MAP4K3: variants seen among roughly 807,000 people sequenced by gnomAD.
MAP4K3 encodes mitogen-activated protein kinase kinase kinase kinase 3, also known as MAPK/ERK kinase kinase kinase 3.
Under a neutral mutation model 143.5 loss-of-function variants are expected in MAP4K3, and 94 were observed. The observed-to-expected ratio is 0.65, with a 90% CI of 0.55 to 0.78. The LOEUF (loss-of-function observed/expected upper bound fraction) is 0.78, where lower values mean the gene tolerates loss of function less well. Ranked by LOEUF, MAP4K3 falls within the 30% of genes least tolerant of loss-of-function variation. MAP4K3 has a pLI of 0.00. For synonymous variants in MAP4K3, 416 were observed against 347.2 expected (o/e 1.20, Z -2.20); for missense variants, 1,077 against 1,068.1 (o/e 1.01, Z -0.12).
In MAP4K3 at chr2:39,258,316, A is replaced by G. The variant is rs766054922; in HGVS notation, c.2470+32T>C. 4.5e-6 allele frequency: 6 copies of G among 1,345,102 alleles called. No homozygotes were observed. The East Asian group carries it at 1.4e-4, about 31-fold the overall frequency. 83.3% of individuals were successfully genotyped at this position (1,345,102 alleles called of 1,614,324 possible). On this transcript the variant is annotated intron_variant, in intron 31 of 33. Transcript: ENST00000263881. ...GCAGATAAATTATTTTAAGGAGTTC[A>G]TAATGCAAAGAATTATAAAACTTTG...
At chr2:39,431,344 A>C (rs1471163306) in intron 1 of MAP4K3, among the ~76,000 whole-genome samples, 1 of 152,176 alleles carries the variant, frequency 6.6e-6, no homozygotes, top group Non-Finnish European at 1.5e-5. Flanking sequence ...GAAGTCTCAG[A>C]AGAAAGGGAC....
At chr2:39,411,147 T>C (rs1449372698) in intron 1 of MAP4K3, among the ~76,000 whole-genome samples, 3 of 152,232 alleles carry the variant, frequency 2.0e-5, no homozygotes, top group African/African-American at 7.2e-5. Flanking sequence ...CTGTGAGGAC[T>C]GGGAAATGGA....
At chr2:39,390,992 G>C (rs1248815619) in intron 1 of MAP4K3, among the ~76,000 whole-genome samples, 2 of 152,058 alleles carry the variant, frequency 1.3e-5, no homozygotes, top group Admixed American at 1.3e-4. Flanking sequence ...TGGAGCAGCA[G>C]AATAGTACTT....
At chr2:39,266,059 A>T (rs373079491) in intron 27 of MAP4K3, among the ~76,000 whole-genome samples, 4 of 152,350 alleles carry the variant, frequency 2.6e-5, no homozygotes, top group Admixed American at 6.5e-5. Flanking sequence ...CCGCCAAAGA[A>T]AACAGAGAAG....
At chr2:39,373,808 TG>T (rs981500328) in intron 2 of MAP4K3, among the ~76,000 whole-genome samples, 1 of 152,044 alleles carries the variant, frequency 6.6e-6, no homozygotes, top group African/African-American at 2.4e-5. Flanking sequence ...CAGGGCTTGG[TG>T]GGGGGGTAGA....
At chr2:39,326,355 T>A in intron 8 of MAP4K3, 78 bp from the exon 9 acceptor site, 1 of 1,494,526 alleles carries the variant, frequency 6.7e-7, no homozygotes, top group Non-Finnish European at 9.1e-7. Context: ...GCACAAGGAA[T>A]TATCACTATC....
At chr2:39,353,291 G>A (rs1362042036) in intron 3 of MAP4K3, among the ~76,000 whole-genome samples, 3 of 152,154 alleles carry the variant, frequency 2.0e-5, no homozygotes, top group Admixed American at 6.5e-5. Context: ...CCTTGGCTGA[G>A]CCTGAACTTC....
intron 21 of MAP4K3, among the ~76,000 whole-genome samples, chr2:39,284,149 A>T (rs1033255990): frequency 3.9e-5 from 6 of 151,954 alleles, no homozygotes; most frequent in Non-Finnish European, 8.8e-5. Flanking sequence ...TTAGCAAAAC[A>T]TCTTTTTTTG....
intron 1 of MAP4K3, among the ~76,000 whole-genome samples, chr2:39,408,709 T>G (rs927130192): frequency 1.1e-4 from 16 of 151,430 alleles, no homozygotes; most frequent in Admixed American, 2.0e-4. Context: ...TAGAGAAATT[T>G]AAGAGCTAAC....
At chr2:39,327,824 C>T (rs951939570) in intron 8 of MAP4K3, among the ~76,000 whole-genome samples, 8 of 151,590 alleles carry the variant, frequency 5.3e-5, no homozygotes, top group Non-Finnish European at 4.4e-5. Flanking sequence ...GCAAGTGATA[C>T]GCTCCTAACT....
chr2:39,368,526 G>T (rs1295987005), intron 2 of MAP4K3, among the ~76,000 whole-genome samples: 3 of 151,936 alleles, frequency 2.0e-5, no homozygotes, highest in Admixed American at 6.6e-5. Flanking sequence ...AAAATTAGCT[G>T]GGTGTGGTGA....
Position 39,251,836 on chromosome 2 carries a change from G to A in MAP4K3, c.2591C>T (p.Ser864Phe), listed in dbSNP as rs1412113249. The A allele has an allele frequency of 5.6e-6, 9 of 1,613,400 alleles. No individual in the cohort carries two copies. In the East Asian group the frequency reaches 1.3e-4, roughly 24 times the overall value. Residue 864 changes from serine (S) to phenylalanine (F), a missense_variant, in exon 33 of 34, where the codon TCT (serine) becomes TTT (phenylalanine). Physicochemically the swap from Ser to Phe is radical, Grantham distance 155 (BLOSUM62 -2). Transcript: ENST00000263881. The part of the protein sequence containing the change: ...DSTRIFRLLG[S>F]DRVVVLESRP... ...ATACAGTCCGTTTTCATACCTGTCA[G>A]ATCCAAGCAGCCTGAAAATTCTTGT...
At chr2:39,436,415 G>C (rs1315304710) in intron 1 of MAP4K3, among the ~76,000 whole-genome samples, 1 of 152,084 alleles carries the variant, frequency 6.6e-6, no homozygotes, top group African/African-American at 2.4e-5. Flanking sequence ...GGAAGATGGA[G>C]GTCGCTCAGC....
At chr2:39,279,731 T>C (rs1457982615) in intron 23 of MAP4K3, among the ~76,000 whole-genome samples, 1 of 152,072 alleles carries the variant, frequency 6.6e-6, no homozygotes, top group Non-Finnish European at 1.5e-5. Flanking sequence ...GACAACTGCT[T>C]GAGCCCAGGA....
At chr2:39,268,192 A>C (rs10185961) in intron 26 of MAP4K3, among the ~76,000 whole-genome samples, 2 of 152,070 alleles carry the variant, frequency 1.3e-5, no homozygotes, top group Admixed American at 1.3e-4. Context: ...GAATTTTTTT[A>C]AAAACTACAA....
chr2:39,258,145 TGG>T (rs1680420499), intron 31 of MAP4K3, among the ~76,000 whole-genome samples: 1 of 152,176 alleles, frequency 6.6e-6, no homozygotes, highest in Non-Finnish European at 1.5e-5. Flanking sequence ...TTGGCCAGGC[TGG>T]TTTTGAACTC....
chr2:39,317,764 G>T (rs888046732), intron 12 of MAP4K3, among the ~76,000 whole-genome samples: 1 of 152,090 alleles, frequency 6.6e-6, no homozygotes, highest in Admixed American at 6.6e-5. Flanking sequence ...AACAGATTAT[G>T]GCAAGGCAGC....
chr2:39,397,785 G>A (rs62136497), intron 1 of MAP4K3, among the ~76,000 whole-genome samples: 2,552 of 152,166 alleles, frequency 0.017, 62 homozygotes, highest in East Asian at 0.12. Flanking sequence ...TACAAAGTCC[G>A]GAAATACACC....
chr2:39,287,350 A>G (rs1681834766), intron 20 of MAP4K3, among the ~76,000 whole-genome samples: 1 of 151,870 alleles, frequency 6.6e-6, no homozygotes, highest in African/African-American at 2.4e-5. Context: ...CTAGAGTGCA[A>G]TGGCGTGATC....
Sources: gnomAD v4.1 joint callset for allele counts (sites outside exome capture counted in the v4.1 genomes callset) on GRCh38, gnomAD v4.1.1 for gene constraint, MANE v1.5 for transcripts, NCBI Gene and HGNC (gene_info 2026-07-23, HGNC 2026-07-21) for gene names.